The following PLPPR1 variants were observed in gnomAD, a reference collection of about 807,000 sequenced individuals.
PLPPR1 encodes the protein phospholipid phosphatase-related protein type 1.
Under a neutral mutation model 33.1 loss-of-function variants are expected in PLPPR1, and 10 were observed. The ratio of observed to expected loss-of-function variants is 0.30; its 90% CI spans 0.19 to 0.51. The LOEUF (loss-of-function observed/expected upper bound fraction) is 0.51. Among genes scored for constraint, PLPPR1 ranks in the 20% least tolerant of loss-of-function variants. The pLI is 0.97. For missense variants in PLPPR1, 304 were observed against 408.1 expected (o/e 0.74, Z 2.20); for synonymous variants, 151 against 151.0 (o/e 1.00, Z 0.00).
chr9:101,269,044 C>T (rs1182347088), intron 2 of PLPPR1, among the ~76,000 whole-genome samples: 1 of 152,182 alleles, frequency 6.6e-6, no homozygotes, highest in Non-Finnish European at 1.5e-5. Flanking sequence ...TATTCACCAT[C>T]TTATCTTGGC....
At chr9:101,318,308 CAG>C (rs2118968486) in intron 7 of PLPPR1, among the ~76,000 whole-genome samples, 1 of 152,278 alleles carries the variant, frequency 6.6e-6, no homozygotes, top group African/African-American at 2.4e-5. Flanking sequence ...TGTGAGAAGA[CAG>C]GGAAAGCCAG....
chr9:101,279,395 A>C (rs771131319), intron 3 of PLPPR1, among the ~76,000 whole-genome samples: 1 of 152,192 alleles, frequency 6.6e-6, no homozygotes, highest in Admixed American at 6.5e-5. Context: ...TGATTTCAAC[A>C]CCCCACTTTC....
intron 1 of PLPPR1, among the ~76,000 whole-genome samples, chr9:101,101,086 T>C (rs1830892538): frequency 6.6e-6 from 1 of 152,178 alleles, no homozygotes; most frequent in Admixed American, 6.6e-5. Context: ...TGTGCATTCT[T>C]TTATTATAGC....
At chr9:101,246,750 G>C (rs892953430) in intron 2 of PLPPR1, among the ~76,000 whole-genome samples, 1 of 152,046 alleles carries the variant, frequency 6.6e-6, no homozygotes, top group Non-Finnish European at 1.5e-5. Context: ...TATTTAGCTT[G>C]TATGTTGGTT....
intron 4 of PLPPR1, among the ~76,000 whole-genome samples, chr9:101,287,757 T>C (rs1828419854): frequency 6.6e-6 from 1 of 152,114 alleles, no homozygotes. Flanking sequence ...TGCCTCAGCC[T>C]CCCAAAGTGC....
At chr9:101,030,257 G>T (rs905672121) in intron 1 of PLPPR1, among the ~76,000 whole-genome samples, 59 of 151,778 alleles carry the variant, frequency 3.9e-4, no homozygotes, top group African/African-American at 1.3e-3. Context: ...GGGACAAAGG[G>T]AGATAGAAGA....
In PLPPR1 at chr9:101,091,500, C is replaced by A. The variant is rs145398349; in HGVS notation, c.-46+62398C>A. Among the ~76,000 whole-genome samples the A allele has an allele frequency of 3.0e-4, 46 of 152,252 alleles. 1 individual carries two copies. The East Asian group carries it at 7.2e-3, about 24-fold the overall frequency. ...TGCCTTCCTTCATCTTCAAACCCAG[C>A]AAGTTCAGCCTAAGTCCTTCTTACA... On this transcript the variant is annotated intron_variant, in intron 1 of 7. Coordinates refer to ENST00000374874, the MANE Select transcript of PLPPR1 (RefSeq NM_207299.2).
At position 101,118,181 on chromosome 9, in the gene PLPPR1, A is replaced by G. The variant is rs1831138070; in HGVS notation, c.-45-67269A>G. Among the ~76,000 whole-genome samples the G allele has an allele frequency of 3.3e-5, 5 of 152,352 alleles. No homozygotes were observed. The South Asian group carries it at 1.0e-3, about 32-fold the overall frequency. ...AGGAAGCTGATAAACAGAGGCTATG[A>G]CCTGCTGTGGGCAATAATGTTTCAG... is the stretch of plus-strand genomic sequence containing the variant. On this transcript the variant is annotated intron_variant, in intron 1 of 7. Transcript: ENST00000374874.
intron 3 of PLPPR1, among the ~76,000 whole-genome samples, chr9:101,275,783 G>A (rs1270295770): frequency 6.6e-6 from 1 of 152,180 alleles, no homozygotes; most frequent in Non-Finnish European, 1.5e-5. Flanking sequence ...TGACAGGGGA[G>A]TATTTAGTAT....
chr9:101,180,972 A>G (rs1164766815), intron 1 of PLPPR1, among the ~76,000 whole-genome samples: 1 of 151,798 alleles, frequency 6.6e-6, no homozygotes, highest in Non-Finnish European at 1.5e-5. Flanking sequence ...AAATATTTTC[A>G]AACATACATC....
At chr9:101,145,428 C>G (rs1261407074) in intron 1 of PLPPR1, among the ~76,000 whole-genome samples, 1 of 152,040 alleles carries the variant, frequency 6.6e-6, no homozygotes, top group East Asian at 1.9e-4. Flanking sequence ...GTCACTGAGA[C>G]TGGAGTGCAA....
chr9:101,158,021 A>T (rs2567301), intron 1 of PLPPR1, among the ~76,000 whole-genome samples: 79,923 of 151,764 alleles, frequency 0.53, 21,499 homozygotes, highest in African/African-American at 0.61. Flanking sequence ...AAAATAAGTG[A>T]ATAAAAAATA....
At chr9:101,278,643 A>C (rs985868842) in intron 3 of PLPPR1, among the ~76,000 whole-genome samples, 1 of 152,154 alleles carries the variant, frequency 6.6e-6, no homozygotes, top group Non-Finnish European at 1.5e-5. Flanking sequence ...ACCACAGCGA[A>C]ATCCAGCATC....
intron 1 of PLPPR1, among the ~76,000 whole-genome samples, chr9:101,043,270 CAT>C (rs36166780): frequency 6.6e-6 from 1 of 151,250 alleles, no homozygotes; most frequent in Non-Finnish European, 1.5e-5. Context: ...AGTATTCCAT[CAT>C]ATATATATGT....
chr9:101,124,800 T>G (rs1831224548), intron 1 of PLPPR1, among the ~76,000 whole-genome samples: 1 of 152,246 alleles, frequency 6.6e-6, no homozygotes, highest in Non-Finnish European at 1.5e-5. Flanking sequence ...CATATAGTTA[T>G]CTTTCCTTTT....
intron 1 of PLPPR1, among the ~76,000 whole-genome samples, chr9:101,130,579 C>T (rs1410274044): frequency 6.6e-6 from 1 of 152,204 alleles, no homozygotes; most frequent in Non-Finnish European, 1.5e-5. Context: ...CACAAATTTA[C>T]TGAGAACTTT....
chr9:101,175,715 T>C (rs1008161406), intron 1 of PLPPR1, among the ~76,000 whole-genome samples: 1 of 152,174 alleles, frequency 6.6e-6, no homozygotes, highest in Non-Finnish European at 1.5e-5. Flanking sequence ...ATATGGCTTG[T>C]TATGGTATTT....
chr9:101,196,932 A>G (rs1287989496), intron 2 of PLPPR1, among the ~76,000 whole-genome samples: 1 of 152,218 alleles, frequency 6.6e-6, no homozygotes, highest in East Asian at 1.9e-4. Flanking sequence ...AGTTATGTGA[A>G]TGCGGGAGGG....
chr9:101,285,372 C>T (rs1244097669), intron 3 of PLPPR1, among the ~76,000 whole-genome samples: 4 of 151,968 alleles, frequency 2.6e-5, no homozygotes, highest in African/African-American at 9.7e-5. Flanking sequence ...ATTAGTTTAA[C>T]GAGAGAGATG....
Sources: gnomAD v4.1 joint callset for allele counts (sites outside exome capture counted in the v4.1 genomes callset) on GRCh38, gnomAD v4.1.1 for gene constraint, MANE v1.5 for transcripts, NCBI Gene and HGNC (gene_info 2026-07-23, HGNC 2026-07-21) for gene names.